Variants in ECT2L observed in about 807,000 individuals in gnomAD.
ECT2L encodes epithelial cell transforming 2 like, also known as epithelial cell-transforming sequence 2 oncogene-like.
ECT2L carries 126 observed loss-of-function variants against 122.8 expected under a neutral mutation model. The observed-to-expected ratio is 1.03, with a 90% CI of 0.89 to 1.19. The LOEUF is 1.19. Ranked by LOEUF, ECT2L falls within the 50% of genes most tolerant of loss-of-function variation. ECT2L has a pLI of 0.00. For synonymous variants in ECT2L, 385 were observed against 381.8 expected, an observed-to-expected ratio of 1.01 and a Z score of -0.10; for missense variants, 1,012 against 1,064.1, an observed-to-expected ratio of 0.95 and a Z score of 0.68.
At chr6:138,891,787 A>G (rs1243323920) in intron 20 of ECT2L, among the ~76,000 whole-genome samples, 1 of 135,994 alleles carries the variant, frequency 7.4e-6, no homozygotes, top group Non-Finnish European at 1.6e-5. Context: ...CTGGTCACCC[A>G]TATTTGGCTC....
chr6:138,834,632 A>G (rs2128385378), intron 4 of ECT2L, among the ~76,000 whole-genome samples: 1 of 152,278 alleles, frequency 6.6e-6, no homozygotes, highest in African/African-American at 2.4e-5. Context: ...TTATAATTCC[A>G]AGTAAATGAG....
At chr6:138,885,357 A>T in intron 16 of ECT2L, 149 bp from the exon 17 acceptor site, 1 of 699,860 alleles carries the variant, frequency 1.4e-6, no homozygotes, top group South Asian at 1.8e-5. Flanking sequence ...TTAGGAAGAC[A>T]CCAATGGCAC....
At chr6:138,844,278 A>G in intron 6 of ECT2L, 134 bp from the exon 7 acceptor site, 1 of 1,020,718 alleles carries the variant, frequency 9.8e-7, no homozygotes, top group Admixed American at 2.7e-5. Context: ...AACCGAGTGC[A>G]TGAAAATGGC....
At chr6:138,881,291 T>C in intron 15 of ECT2L, 120 bp downstream of exon 15, 1 of 979,644 alleles carries the variant, frequency 1.0e-6, no homozygotes, top group Non-Finnish European at 1.5e-6. Context: ...GGGACCCTGA[T>C]TATAGCAGCG....
intron 20 of ECT2L, among the ~76,000 whole-genome samples, chr6:138,895,335 T>C (rs1193224489): frequency 6.6e-6 from 1 of 152,102 alleles, no homozygotes; most frequent in Non-Finnish European, 1.5e-5. Context: ...TCTCATTTGA[T>C]AGATTTAATT....
At chr6:138,900,820 C>T in intron 20 of ECT2L, 128 bp from the exon 21 acceptor site, 1 of 1,007,152 alleles carries the variant, frequency 9.9e-7, no homozygotes, top group Non-Finnish European at 1.4e-6. Flanking sequence ...GAACTTCAAC[C>T]AGCCATTCAA....
intron 4 of ECT2L, among the ~76,000 whole-genome samples, chr6:138,830,585 G>C (rs1354587382): frequency 1.3e-5 from 2 of 152,084 alleles, no homozygotes; most frequent in African/African-American, 4.8e-5. Context: ...AGTCCGTATA[G>C]CTGCCTCCAA....
chr6:138,804,685 T>C (rs1216065248), intron 1 of ECT2L, among the ~76,000 whole-genome samples: 1 of 152,198 alleles, frequency 6.6e-6, no homozygotes, highest in Non-Finnish European at 1.5e-5. Context: ...CTCTTCACTC[T>C]ACTGAGTCCC....
At chr6:138,895,799 C>T (rs1779188131) in intron 20 of ECT2L, among the ~76,000 whole-genome samples, 1 of 152,134 alleles carries the variant, frequency 6.6e-6, no homozygotes, top group Admixed American at 6.5e-5. Context: ...TCTTGAACTC[C>T]TGGCCTCAAG....
intron 11 of ECT2L, among the ~76,000 whole-genome samples, chr6:138,864,760 T>C (rs1202151794): frequency 6.6e-6 from 1 of 152,214 alleles, no homozygotes. Flanking sequence ...GAATGGAATA[T>C]GTCAGCCTCA....
intron 4 of ECT2L, among the ~76,000 whole-genome samples, chr6:138,836,558 G>A (rs1482254057): frequency 1.3e-5 from 2 of 151,998 alleles, no homozygotes; most frequent in Non-Finnish European, 2.9e-5. Context: ...AAAGTGCTGG[G>A]ATTACAGGCG....
At chr6:138,891,863 T>A (rs1013500238) in intron 20 of ECT2L, among the ~76,000 whole-genome samples, 1 of 152,206 alleles carries the variant, frequency 6.6e-6, no homozygotes, top group African/African-American at 2.4e-5. Flanking sequence ...GTTTTTGTAT[T>A]CTCTGAAATG....
At chr6:138,862,842 C>T (rs1307845263) in intron 11 of ECT2L, 123 bp downstream of exon 11, 3 of 703,724 alleles carry the variant, frequency 4.3e-6, no homozygotes, top group Non-Finnish European at 4.7e-6. Flanking sequence ...TTCATTCCTC[C>T]CCTGAAGGAA....
At chr6:138,823,388 T>G (rs945503936) in intron 4 of ECT2L, 19 of 1,608,106 alleles carry the variant, frequency 1.2e-5, no homozygotes, top group Non-Finnish European at 1.6e-5. Context: ...TACCCTTTCT[T>G]ATTATGGGGG....
chr6:138,894,186 A>G (rs1408257135), intron 20 of ECT2L, among the ~76,000 whole-genome samples: 1 of 151,948 alleles, frequency 6.6e-6, no homozygotes, highest in Non-Finnish European at 1.5e-5. Flanking sequence ...CCTCCCAAGT[A>G]GCTGGGATTA....
chr6:138,815,748 T>C (rs1190312210), intron 4 of ECT2L, among the ~76,000 whole-genome samples: 1 of 152,160 alleles, frequency 6.6e-6, no homozygotes, highest in Non-Finnish European at 1.5e-5. Context: ...GGTGGTGAGG[T>C]TGCAGGAGAG....
chr6:138,889,106 C>T, intron 20 of ECT2L, 75 bp downstream of exon 20: 1 of 718,044 alleles, frequency 1.4e-6, no homozygotes. Context: ...CCTGTAGCTC[C>T]AGCATTCAGT....
chr6:138,823,503 C>T, intron 4 of ECT2L: 1 of 1,590,786 alleles, frequency 6.3e-7, no homozygotes, highest in East Asian at 2.3e-5. Context: ...CATTGTCACT[C>T]AACTGCCTTA....
At chr6:138,871,806 AAAAC>A (rs769134545) in intron 13 of ECT2L, among the ~76,000 whole-genome samples, 5 of 151,874 alleles carry the variant, frequency 3.3e-5, no homozygotes, top group Non-Finnish European at 7.4e-5. Context: ...CCCTATCTCA[AAAAC>A]AAACAAACAA....
Sources: allele counts gnomAD v4.1 joint callset (sites outside exome capture counted in the v4.1 genomes callset), GRCh38; gene constraint gnomAD v4.1.1; transcripts MANE v1.5; gene names NCBI Gene and HGNC (gene_info 2026-07-23, HGNC 2026-07-21).